The following GASK1B variants were observed in gnomAD, a reference collection of about 807,000 sequenced individuals.
GASK1B encodes the protein golgi associated kinase 1B, also known as Golgi-associated kinase 1B.
In GASK1B, 34 loss-of-function variants were observed where a neutral mutation model predicts 42.8. The observed-to-expected ratio is 0.79, with a 90% CI of 0.60 to 1.06. The LOEUF (loss-of-function observed/expected upper bound fraction) is 1.06, where lower values mean the gene tolerates loss of function less well. Ranked by LOEUF, GASK1B falls within the 50% of genes least tolerant of loss-of-function variation. The probability of loss-of-function intolerance (pLI) is 0.00; values close to 1 mark genes in which losing one functional copy is unlikely to be tolerated. For missense variants in GASK1B, 686 were observed against 661.0 expected (o/e 1.04, Z -0.42); for synonymous variants, 262 against 259.1 (o/e 1.01, Z -0.11).
At chr4:158,150,206 T>A (rs565587441) in intron 3 of GASK1B, among the ~76,000 whole-genome samples, 9 of 152,240 alleles carry the variant, frequency 5.9e-5, no homozygotes, top group Non-Finnish European at 1.3e-4. Flanking sequence ...ATTACAGGCG[T>A]AAGCCACCGC....
chr4:158,144,594 C>G (rs184567326), intron 3 of GASK1B, among the ~76,000 whole-genome samples: 76 of 152,182 alleles, frequency 5.0e-4, no homozygotes, highest in Admixed American at 5.0e-3. Context: ...CTCTAATTAC[C>G]TCCATAAAAA....
rs1579005891 is a variant in GASK1B at position 158,130,644 on chromosome 4, C to T, written c.1352+142G>A. On this transcript the variant is annotated intron_variant, in intron 4 of 4. Coordinates refer to ENST00000585682, the MANE Select transcript of GASK1B (RefSeq NM_001128424.2). ...TGTTCTTCTTGGGTTTGTTTCCTTT[C>T]TTGGGTCTCCATTCCCAGATTCCAC... 5.3e-5 allele frequency: 38 copies of T among 710,526 alleles called. 2 individuals carry two copies. The East Asian group carries it at 1.0e-3, about 19-fold the overall frequency. 44.0% of individuals were successfully genotyped at this position (710,526 alleles called of 1,614,324 possible).
intron 3 of GASK1B, among the ~76,000 whole-genome samples, chr4:158,149,370 T>C (rs1048092777): frequency 7.9e-5 from 12 of 152,212 alleles, no homozygotes; most frequent in African/African-American, 2.7e-4. Flanking sequence ...ACACAATAGA[T>C]GTTGCATAAA....
rs763039055 is a variant in GASK1B, at chr4:158,127,571, G to GT, written c.1395dup (p.Arg466ThrfsTer11). ...AACAGAGACTGAAGAAGTTTCTGCC[G>GT]TAAGTGCTGGCTCTTCAAAACAGAA... On this transcript the variant is annotated frameshift_variant, in exon 5 of 5. Transcript: ENST00000585682. LOFTEE classifies it high-confidence loss of function. 21 of 1,613,476 alleles carry GT rather than the reference G, an allele frequency of 1.3e-5. No homozygotes were observed. Among genetic ancestry groups the GT allele is most frequent in the Middle Eastern group, 1.7e-4 (1 of 6,058 alleles).
intron 3 of GASK1B, among the ~76,000 whole-genome samples, chr4:158,138,491 C>T (rs1464628260): frequency 6.6e-6 from 1 of 152,060 alleles, no homozygotes; most frequent in African/African-American, 2.4e-5. Flanking sequence ...AAGTAAAGCA[C>T]CACTATTTGG....
At chr4:158,141,498 G>A (rs1000895390) in intron 3 of GASK1B, among the ~76,000 whole-genome samples, 4 of 151,472 alleles carry the variant, frequency 2.6e-5, no homozygotes, top group Non-Finnish European at 4.4e-5. Flanking sequence ...CTTAAATTAT[G>A]TGAAGTTAGA....
chr4:158,143,098 C>T (rs553000255), intron 3 of GASK1B, among the ~76,000 whole-genome samples: 1 of 152,242 alleles, frequency 6.6e-6, no homozygotes, highest in South Asian at 2.1e-4. Flanking sequence ...GTGATAATAG[C>T]AATGTGCTTA....
intron 3 of GASK1B, among the ~76,000 whole-genome samples, chr4:158,148,052 A>C (rs936575677): frequency 6.6e-6 from 1 of 152,020 alleles, no homozygotes; most frequent in Admixed American, 6.6e-5. Context: ...CTCTAAAAAA[A>C]TTTTTTGAAT....
At chr4:158,143,042 A>T (rs1387327553) in intron 3 of GASK1B, among the ~76,000 whole-genome samples, 1 of 152,218 alleles carries the variant, frequency 6.6e-6, no homozygotes, top group Admixed American at 6.5e-5. Flanking sequence ...AAATGTGGCC[A>T]CTGATTGGGT....
At chr4:158,128,238 G>C (rs1026427385) in intron 4 of GASK1B, among the ~76,000 whole-genome samples, 3 of 152,134 alleles carry the variant, frequency 2.0e-5, no homozygotes, top group Non-Finnish European at 2.9e-5. Flanking sequence ...AGAGTGTTAA[G>C]ATGTTTTCAA....
chr4:158,135,022 G>A (rs1375052210), intron 3 of GASK1B, among the ~76,000 whole-genome samples: 1 of 152,056 alleles, frequency 6.6e-6, no homozygotes, highest in Non-Finnish European at 1.5e-5. Context: ...GCAATGCTTG[G>A]ATGAAGGCAA....
intron 3 of GASK1B, among the ~76,000 whole-genome samples, chr4:158,146,095 C>G (rs546237792): frequency 6.6e-6 from 1 of 151,848 alleles, no homozygotes; most frequent in Non-Finnish European, 1.5e-5. Context: ...ATTTTACTTT[C>G]AACATTGTTA....
chr4:158,142,655 G>C (rs1486765297), intron 3 of GASK1B, among the ~76,000 whole-genome samples: 2 of 152,064 alleles, frequency 1.3e-5, no homozygotes, highest in Non-Finnish European at 2.9e-5. Flanking sequence ...AACATCAATA[G>C]CTGCTATTAT....
intron 3 of GASK1B, among the ~76,000 whole-genome samples, 154 bp from the exon 4 acceptor site, chr4:158,131,166 T>C (rs573634519): frequency 6.6e-6 from 1 of 152,252 alleles, no homozygotes; most frequent in East Asian, 1.9e-4. Context: ...TCAGAACAAG[T>C]CCAAGGTTCA....
At position 158,170,825 on chromosome 4, in the gene GASK1B, C is replaced by T. The variant is rs199818128; in HGVS notation, c.551G>A (p.Arg184Gln). Residue 184 changes from arginine (R) to glutamine (Q), a missense_variant, in exon 2 of 5, where the codon CGG becomes CAG. By Grantham distance (43) the Arg-to-Gln change is conservative. Coordinates refer to ENST00000585682, the MANE Select transcript of GASK1B (RefSeq NM_001128424.2). The part of the protein sequence containing the change: ...KIGERPWRLV[R>Q]GPGVRAGGPD... The stretch of plus-strand genomic sequence containing the variant: ...GCCCCCGGCTCGCACTCCCGGACCC[C>T]GCACCAACCTCCAGGGTCGCTCTCC... The T allele has an allele frequency of 7.4e-6, 12 of 1,614,214 alleles. No individual in the cohort carries two copies. The highest frequency in any genetic ancestry group is 6.7e-5 in the Admixed American group (4 of 60,032).
Position 158,127,617 on chromosome 4 carries a change from G to T in GASK1B, c.1353-3C>A. ...CAGAAACTGCAGAAGCTGGAAACCT[G>T]AAAAGATAAAATGATATTTCAATCT... On this transcript the variant is annotated splice_region_variant and splice_polypyrimidine_tract_variant and intron_variant, in intron 4 of 4. Transcript: ENST00000585682. 1 of 1,611,180 alleles carries T rather than the reference G, an allele frequency of 6.2e-7. No homozygotes were observed. Among genetic ancestry groups the T allele is most frequent in the South Asian group, 1.1e-5 (1 of 90,820 alleles).
chr4:158,168,869 C>T (rs1354507956), intron 2 of GASK1B: 1 of 152,178 alleles, frequency 6.6e-6, no homozygotes, highest in African/African-American at 2.4e-5. Flanking sequence ...GGATCCTGTG[C>T]TCTACTCTGC....
At chr4:158,155,582 T>A in intron 3 of GASK1B, 29 bp downstream of exon 3, 1 of 1,583,468 alleles carries the variant, frequency 6.3e-7, no homozygotes. Context: ...CAGTCTTAGA[T>A]AACTATTTGC....
intron 4 of GASK1B, 56 bp downstream of exon 4, chr4:158,130,730 C>T: frequency 2.3e-6 from 3 of 1,326,384 alleles, no homozygotes; most frequent in Non-Finnish European, 3.2e-6. Flanking sequence ...TTCTCAGAAC[C>T]TTGCTACTTA....
Sources: allele counts gnomAD v4.1 joint callset (sites outside exome capture counted in the v4.1 genomes callset), GRCh38; gene constraint gnomAD v4.1.1; transcripts MANE v1.5; gene names NCBI Gene and HGNC (gene_info 2026-07-23, HGNC 2026-07-21).